The following CDC37L1 variants were observed in gnomAD, a reference collection of about 807,000 sequenced individuals.
The protein encoded by CDC37L1 is hsp90 co-chaperone Cdc37-like 1.
Under a neutral mutation model 45.9 loss-of-function variants are expected in CDC37L1, and 32 were observed. The ratio of observed to expected loss-of-function variants is 0.70; its 90% CI spans 0.53 to 0.94. The LOEUF is 0.94. Ranked by LOEUF, CDC37L1 falls within the 40% of genes least tolerant of loss-of-function variation. The probability of loss-of-function intolerance (pLI) is 0.00; values close to 1 mark genes in which losing one functional copy is unlikely to be tolerated. For synonymous variants in CDC37L1, 150 were observed against 133.0 expected, an observed-to-expected ratio of 1.13 and a Z score of -0.88; for missense variants, 434 against 405.7, an observed-to-expected ratio of 1.07 and a Z score of -0.60.
chr9:4,698,516 T>A (rs2130852301), intron 5 of CDC37L1, among the ~76,000 whole-genome samples: 1 of 151,566 alleles, frequency 6.6e-6, no homozygotes, highest in Non-Finnish European at 1.5e-5. Flanking sequence ...CTCACAAGAT[T>A]TGCAGTAATT....
At chr9:4,703,198 C>G in intron 6 of CDC37L1, 1 of 1,297,134 alleles carries the variant, frequency 7.7e-7, no homozygotes, top group Non-Finnish European at 1.0e-6. Flanking sequence ...AGTTTTAAAC[C>G]TCATAAAGTG....
chr9:4,702,019 C>A lies in CDC37L1; in HGVS notation c.903C>A (p.Ser301=). Residue 301 remains serine (S), a synonymous_variant, in exon 6 of 7, where the codon TCC becomes TCA. Coordinates refer to ENST00000381854, the MANE Select transcript of CDC37L1 (RefSeq NM_017913.4). ...TTGGATCTATAGGTTTATTAGAATC[C>A]TTACCACAGGTAAGTTGGAAAAGTA... ...SGVGSIGLLE[S]LPQNPDYLQY... 2 of 1,407,514 alleles carry A rather than the reference C, an allele frequency of 1.4e-6. No individual in the cohort carries two copies. The highest frequency in any genetic ancestry group is 1.9e-6 in the Non-Finnish European group (2 of 1,068,428). The allele number at this position is 1,407,514 out of a possible 1,614,324, so 87.2% of individuals were successfully genotyped here.
intron 5 of CDC37L1, among the ~76,000 whole-genome samples, chr9:4,701,019 G>T (rs1403477532): frequency 2.6e-5 from 4 of 152,184 alleles, no homozygotes; most frequent in African/African-American, 9.6e-5. Context: ...AAATTTACAA[G>T]AAGATAGGAT....
chr9:4,690,739 C>A (rs1264653228), intron 3 of CDC37L1, among the ~76,000 whole-genome samples: 1 of 152,190 alleles, frequency 6.6e-6, no homozygotes, highest in East Asian at 1.9e-4. Flanking sequence ...TTCCCAGAGT[C>A]ACAATGTGCC....
At chr9:4,694,872 C>T (rs554773510) in intron 3 of CDC37L1, among the ~76,000 whole-genome samples, 3 of 150,934 alleles carry the variant, frequency 2.0e-5, no homozygotes, top group African/African-American at 7.3e-5. Context: ...TCCATCTCAA[C>T]AAAAAGAAAA....
At chr9:4,701,816 A>G in intron 5 of CDC37L1, 48 bp from the exon 6 acceptor site, 2 of 1,421,310 alleles carry the variant, frequency 1.4e-6, no homozygotes, top group African/African-American at 1.5e-5. Context: ...TACTATGTCT[A>G]GAAATCTTGA....
chr9:4,706,946 GATT>G lies in CDC37L1; in HGVS notation c.*835_*837del, dbSNP rs956199857. 1 of 152,012 alleles carries G rather than the reference GATT, an allele frequency of 6.6e-6. No homozygotes were observed. The highest frequency in any genetic ancestry group is 1.5e-5 in the Non-Finnish European group (1 of 67,966). 9.4% of individuals were successfully genotyped at this position (152,012 alleles called of 1,614,324 possible). A position where few individuals can be genotyped will look rare whatever the true frequency, so the allele number is the denominator to read the frequency against. Reference sequence around the variant, plus strand: ...TAAGAACAAACAGGAATAATAATCTGATTTTTAAATTTGTAGTTATTTTACTCA... The same window carrying G: ...TAAGAACAAACAGGAATAATAATCTGTTTAAATTTGTAGTTATTTTACTCA... On this transcript the variant is annotated 3_prime_UTR_variant, in exon 7 of 7. Coordinates refer to ENST00000381854, the MANE Select transcript of CDC37L1 (RefSeq NM_017913.4).
At chr9:4,691,726 A>G (rs961125723) in intron 3 of CDC37L1, among the ~76,000 whole-genome samples, 7 of 152,174 alleles carry the variant, frequency 4.6e-5, no homozygotes, top group African/African-American at 1.4e-4. Context: ...TACCCTTACA[A>G]TTAGGTGGAA....
chr9:4,689,305 A>T (rs1841279792), intron 3 of CDC37L1, among the ~76,000 whole-genome samples: 1 of 152,018 alleles, frequency 6.6e-6, no homozygotes, highest in Non-Finnish European at 1.5e-5. Context: ...GGGAAGTGTT[A>T]GGAGTTAAGG....
At chr9:4,693,462 T>A (rs146128385) in intron 3 of CDC37L1, among the ~76,000 whole-genome samples, 1,662 of 151,846 alleles carry the variant, frequency 0.011, 33 homozygotes, top group African/African-American at 0.038. Flanking sequence ...AGAAATAAAT[T>A]AATTAATAAT....
chr9:4,695,291 G>C (rs453852), intron 3 of CDC37L1, among the ~76,000 whole-genome samples: 95,685 of 151,956 alleles, frequency 0.63, 32,611 homozygotes, highest in African/African-American at 0.9. Flanking sequence ...CTCAAGGTGT[G>C]CTCTCACCTC....
chr9:4,699,254 C>T (rs967512469), intron 5 of CDC37L1, among the ~76,000 whole-genome samples: 3 of 152,156 alleles, frequency 2.0e-5, no homozygotes, highest in Admixed American at 1.3e-4. Context: ...AAATCCAAAA[C>T]GCTCCAAAAT....
chr9:4,706,194 T>G lies in CDC37L1; in HGVS notation c.*82T>G, dbSNP rs139119662. 2.2e-5 allele frequency: 14 copies of G among 634,698 alleles called. No individual in the cohort carries two copies. In the African/African-American group the frequency reaches 2.5e-4, roughly 12 times the overall value. 39.3% of individuals were successfully genotyped at this position (634,698 alleles called of 1,614,324 possible). ...GCTATTTTCTTGACACTTTTATGGG[T>G]GCTGCACTTTATTTTTGTTCGGTTT... On this transcript the variant is annotated 3_prime_UTR_variant, in exon 7 of 7. Coordinates refer to ENST00000381854, the MANE Select transcript of CDC37L1 (RefSeq NM_017913.4).
intron 5 of CDC37L1, among the ~76,000 whole-genome samples, chr9:4,699,067 A>G (rs1345559608): frequency 1.3e-5 from 2 of 152,244 alleles, no homozygotes; most frequent in Non-Finnish European, 2.9e-5. Context: ...TACAACTCAC[A>G]TAAACAGAAG....
At chr9:4,689,474 A>C (rs1002837348) in intron 3 of CDC37L1, among the ~76,000 whole-genome samples, 13 of 152,046 alleles carry the variant, frequency 8.6e-5, no homozygotes, top group African/African-American at 3.1e-4. Context: ...TTTATGCTTC[A>C]GTTATGTCAA....
intron 5 of CDC37L1, among the ~76,000 whole-genome samples, chr9:4,700,153 CT>C (rs5896087): frequency 0.015 from 2,315 of 152,236 alleles, 58 homozygotes; most frequent in African/African-American, 0.053. Flanking sequence ...GGTGACTAGT[CT>C]AAACTTTTGT....
chr9:4,679,911 CCT>C lies in CDC37L1; in HGVS notation c.132+13_132+14del. On this transcript the variant is annotated intron_variant, in intron 1 of 6. Coordinates refer to ENST00000381854, the MANE Select transcript of CDC37L1 (RefSeq NM_017913.4). ...GCGGCGGCGCCCAGGTGAGAAGGGGCCTGCGTTCTGCGGAGGGATGGAGTGGT... is the reference window on the plus strand; with the variant it reads ...GCGGCGGCGCCCAGGTGAGAAGGGGCGCGTTCTGCGGAGGGATGGAGTGGT... 1 of 1,613,364 alleles carries C rather than the reference CCT, an allele frequency of 6.2e-7. No homozygotes were observed. Among genetic ancestry groups the C allele is most frequent in the Non-Finnish European group, 8.5e-7 (1 of 1,179,800 alleles).
chr9:4,683,074 T>TAAA (rs1841212771), intron 1 of CDC37L1, among the ~76,000 whole-genome samples: 2 of 143,782 alleles, frequency 1.4e-5, no homozygotes, highest in African/African-American at 5.1e-5. Flanking sequence ...AAATATACTT[T>TAAA]ATATATTTTA....
intron 5 of CDC37L1, among the ~76,000 whole-genome samples, chr9:4,701,256 C>T (rs1841393373): frequency 6.6e-6 from 1 of 152,158 alleles, no homozygotes; most frequent in Non-Finnish European, 1.5e-5. Context: ...CTAAGAGTTC[C>T]ACTCCCTCGA....
Sources: gnomAD v4.1 joint callset for allele counts (sites outside exome capture counted in the v4.1 genomes callset) on GRCh38, gnomAD v4.1.1 for gene constraint, MANE v1.5 for transcripts, NCBI Gene and HGNC (gene_info 2026-07-23, HGNC 2026-07-21) for gene names.